The following USP8 variants were observed in gnomAD, a reference collection of about 807,000 sequenced individuals.
USP8 encodes the protein ubiquitin specific peptidase 8.
In USP8, 27 loss-of-function variants were observed where a neutral mutation model predicts 130.0. That is an observed-to-expected ratio of 0.21 (90% confidence interval 0.15 to 0.29). USP8 has a LOEUF of 0.29. Ranked by LOEUF, USP8 falls within the 10% of genes least tolerant of loss-of-function variation. The pLI is 1.00. For missense variants in USP8, 1,029 were observed against 1,312.2 expected (o/e 0.78, Z 3.33); for synonymous variants, 392 against 444.1 (o/e 0.88, Z 1.48).
rs2052623414 is a variant in USP8 at position 50,503,890 on chromosome 15, T to G, written c.*4802T>G. 1 of 152,162 alleles carries G rather than the reference T, an allele frequency of 6.6e-6. No homozygotes were observed. The highest frequency in any genetic ancestry group is 6.6e-5 in the Admixed American group (1 of 15,266). The allele number at this position is 152,162 out of a possible 1,614,324, so 9.4% of individuals were successfully genotyped here. ...CATAAGAGTCAGAAGGCAATAAGAT[T>G]TAAACCCCCAAGGACTTTAGATAAT... On this transcript the variant is annotated 3_prime_UTR_variant, in exon 20 of 20. Coordinates refer to ENST00000307179, the MANE Select transcript of USP8 (RefSeq NM_005154.5).
intron 4 of USP8, among the ~76,000 whole-genome samples, chr15:50,449,966 T>C (rs1487400352): frequency 7.4e-6 from 1 of 135,578 alleles, no homozygotes; most frequent in Admixed American, 8.4e-5. Context: ...CGATCTCAGC[T>C]CACTGCAGAC....
At position 50,462,305 on chromosome 15, in the gene USP8, G is replaced by A; in HGVS notation, c.524G>A (p.Cys175Tyr). ...QKSNGEKNEK[C>Y]ETKEKGAITA... Reference sequence around the variant, plus strand: ...AGCAATGGTGAAAAGAATGAAAAATGTGAGACCAAAGAGAAAGGTAAGTGT... The same window carrying A: ...AGCAATGGTGAAAAGAATGAAAAATATGAGACCAAAGAGAAAGGTAAGTGT... The change falls in exon 6 of 20, where the codon TGT (cysteine) becomes TAT (tyrosine). Residue 175 changes from cysteine to tyrosine, a missense_variant. Around this residue, in one of 4 missense-constraint regions of USP8, gnomAD observed 281 missense variants for 336.7 expected, o/e 0.83. Coordinates refer to ENST00000307179, the MANE Select transcript of USP8 (RefSeq NM_005154.5). 1.2e-6 allele frequency: 2 copies of A among 1,602,086 alleles called. No individual in the cohort carries two copies. Among genetic ancestry groups the A allele is most frequent in the Non-Finnish European group, 8.5e-7 (1 of 1,176,840 alleles).
chr15:50,433,655 C>G (rs137883171), intron 1 of USP8, among the ~76,000 whole-genome samples: 3,150 of 152,188 alleles, frequency 0.021, 102 homozygotes, highest in African/African-American at 0.071. Flanking sequence ...GCCCAGGCTG[C>G]AGTGCAGTGG....
chr15:50,427,084 G>A (rs2049757261), intron 1 of USP8, among the ~76,000 whole-genome samples: 2 of 151,658 alleles, frequency 1.3e-5, no homozygotes, highest in South Asian at 4.2e-4. Context: ...CTCCCGAGTA[G>A]CATGTCACCA....
At chr15:50,435,629 A>G (rs1406408796) in intron 1 of USP8, among the ~76,000 whole-genome samples, 1 of 152,230 alleles carries the variant, frequency 6.6e-6, no homozygotes, top group Non-Finnish European at 1.5e-5. Flanking sequence ...AGAGGCTCAA[A>G]TAGCAATTAA....
intron 4 of USP8, among the ~76,000 whole-genome samples, chr15:50,450,751 A>G (rs1295684370): frequency 1.3e-5 from 2 of 152,152 alleles, no homozygotes; most frequent in African/African-American, 2.4e-5. Context: ...GATTATAGCC[A>G]TGAGCCACTG....
chr15:50,450,459 A>ATTTTTTTTT (rs2050589645), intron 4 of USP8, among the ~76,000 whole-genome samples: 1 of 102,200 alleles, frequency 9.8e-6, no homozygotes, highest in African/African-American at 3.4e-5. Flanking sequence ...GTCGTTAGTC[A>ATTTTTTTTT]TTCTTTTTTT....
Position 50,441,448 on chromosome 15 carries a change from T to A in USP8, c.204T>A (p.Thr68=). 15 of 1,597,642 alleles carry A rather than the reference T, an allele frequency of 9.4e-6. No homozygotes were observed. The highest frequency in any genetic ancestry group is 1.3e-5 in the Non-Finnish European group (15 of 1,175,384). ...RAYVLYMKYV[T]VYNLIKKRPD... ...ATGTACTATATATGAAATACGTGAC[T>A]GTTTATAATCTTATCAAAAAAAGAC... Residue 68 remains threonine (T), a synonymous_variant, in exon 3 of 20, where the codon ACT becomes ACA. Transcript: ENST00000307179.
chr15:50,471,355 C>T (rs928507757), intron 7 of USP8, among the ~76,000 whole-genome samples: 9 of 152,078 alleles, frequency 5.9e-5, no homozygotes, highest in Non-Finnish European at 1.5e-5. Context: ...TTTTGCTCCC[C>T]CCTTGACTTT....
chr15:50,459,538 C>T (rs755987928), intron 5 of USP8, among the ~76,000 whole-genome samples: 3 of 151,954 alleles, frequency 2.0e-5, no homozygotes, highest in Non-Finnish European at 4.4e-5. Context: ...GAGCTGAGAT[C>T]GTACCACTCC....
chr15:50,446,069 A>G (rs1319126963), intron 3 of USP8, among the ~76,000 whole-genome samples: 2 of 152,182 alleles, frequency 1.3e-5, no homozygotes, highest in African/African-American at 4.8e-5. Flanking sequence ...TAAAATTTTT[A>G]TGGTATTCTT....
In USP8 at chr15:50,500,730, A is replaced by G; in HGVS notation, c.*1642A>G. On this transcript the variant is annotated 3_prime_UTR_variant, in exon 20 of 20. Transcript: ENST00000307179. The stretch of plus-strand genomic sequence containing the variant: ...GATCCATAGCATTTTGAACAGAAGT[A>G]TCTGGAATCTCACTGACTCGTGTGT... The G allele has an allele frequency of 6.5e-7, 1 of 1,547,022 alleles. No homozygotes were observed. Among genetic ancestry groups the G allele is most frequent in the Non-Finnish European group, 8.8e-7 (1 of 1,138,312 alleles).
chr15:50,484,431 T>TA, intron 12 of USP8, 70 bp downstream of exon 12: 3 of 1,195,076 alleles, frequency 2.5e-6, no homozygotes, highest in Non-Finnish European at 3.7e-6. Flanking sequence ...GTGATTATCT[T>TA]ACCACACTGC....
intron 8 of USP8, among the ~76,000 whole-genome samples, chr15:50,473,054 G>A (rs1287061101): frequency 6.6e-6 from 1 of 152,104 alleles, no homozygotes; most frequent in African/African-American, 2.4e-5. Flanking sequence ...ATAAGTCGTG[G>A]GCACAGATAG....
intron 4 of USP8, among the ~76,000 whole-genome samples, chr15:50,455,304 C>T (rs2141273507): frequency 6.6e-6 from 1 of 151,444 alleles, no homozygotes; most frequent in African/African-American, 2.4e-5. Context: ...GTCTCAAGCT[C>T]TGGGCTCAAG....
chr15:50,434,871 C>T (rs562821844), intron 1 of USP8, among the ~76,000 whole-genome samples: 1 of 152,300 alleles, frequency 6.6e-6, no homozygotes, highest in African/African-American at 2.4e-5. Flanking sequence ...CCACCTGCCT[C>T]GGCCTCCCAA....
chr15:50,469,415 C>T (rs1459890755), intron 7 of USP8, among the ~76,000 whole-genome samples: 1 of 152,106 alleles, frequency 6.6e-6, no homozygotes, highest in Non-Finnish European at 1.5e-5. Flanking sequence ...AAAGTGTTTT[C>T]TGTAGAATAC....
chr15:50,477,273 T>C lies in USP8; in HGVS notation c.995-3T>C. The C allele has an allele frequency of 6.2e-7, 1 of 1,605,102 alleles. No homozygotes were observed. On this transcript the variant is annotated splice_polypyrimidine_tract_variant and splice_region_variant and intron_variant, in intron 9 of 19. Coordinates refer to ENST00000307179, the MANE Select transcript of USP8 (RefSeq NM_005154.5). Reference sequence around the variant, plus strand: ...AAAAACATTTTTATTTTTGGAATTTTAGTGGATTTTACTTATCCCTCATTG... The same window carrying C: ...AAAAACATTTTTATTTTTGGAATTTCAGTGGATTTTACTTATCCCTCATTG...
chr15:50,494,626 A>G (rs1013815118), intron 16 of USP8, among the ~76,000 whole-genome samples: 1 of 152,258 alleles, frequency 6.6e-6, no homozygotes, highest in Admixed American at 6.5e-5. Context: ...TTTATATAAT[A>G]TGTATATGTT....
Sources: allele counts gnomAD v4.1 joint callset (sites outside exome capture counted in the v4.1 genomes callset), GRCh38; gene constraint gnomAD v4.1.1; regional missense constraint gnomAD v4.1.1; transcripts MANE v1.5; gene names NCBI Gene and HGNC (gene_info 2026-07-23, HGNC 2026-07-21).